AGTPBP1: variants seen among roughly 807,000 people sequenced by gnomAD.
AGTPBP1 encodes the protein ATP/GTP binding carboxypeptidase 1, also known as cytosolic carboxypeptidase 1.
AGTPBP1 carries 70 observed loss-of-function variants against 143.9 expected under a neutral mutation model. The observed-to-expected ratio is 0.49, with a 90% CI of 0.40 to 0.59. The LOEUF (loss-of-function observed/expected upper bound fraction) is 0.59, where lower values mean the gene tolerates loss of function less well. Ranked by LOEUF, AGTPBP1 falls within the 20% of genes least tolerant of loss-of-function variation. The probability of loss-of-function intolerance (pLI) is 0.00; values close to 1 mark genes in which losing one functional copy is unlikely to be tolerated. For missense variants in AGTPBP1, 1,229 were observed against 1,464.5 expected, an observed-to-expected ratio of 0.84 and a Z score of 2.62; for synonymous variants, 463 against 500.2, an observed-to-expected ratio of 0.93 and a Z score of 0.99.
At chr9:85,697,675 A>T (rs1241014140) in intron 2 of AGTPBP1, among the ~76,000 whole-genome samples, 1 of 151,596 alleles carries the variant, frequency 6.6e-6, no homozygotes. Context: ...GATGTTCTCG[A>T]TCTCCTGACC....
At chr9:85,595,437 A>G (rs562508761) in intron 18 of AGTPBP1, among the ~76,000 whole-genome samples, 1 of 152,356 alleles carries the variant, frequency 6.6e-6, no homozygotes, top group East Asian at 1.9e-4. Flanking sequence ...AGCAAGATAC[A>G]TGAGAATCCT....
rs375766249 is a variant in AGTPBP1, at chr9:85,692,824, C to T, written c.33-11G>A. ...GAATTATTGGTAAGGCTAAAAAGAA[C>T]GTAGAATGTTAGGGCACATTCTAAA... On this transcript the variant is annotated splice_polypyrimidine_tract_variant and intron_variant, in intron 2 of 25. Transcript: ENST00000357081. The T allele has an allele frequency of 2.6e-5, 42 of 1,611,386 alleles. No homozygotes were observed. The highest frequency in any genetic ancestry group is 4.4e-5 in the South Asian group (4 of 90,606).
Position 85,564,363 on chromosome 9 carries a change from T to C in AGTPBP1, c.3503+10952A>G, listed in dbSNP as rs371398060. Among the ~76,000 whole-genome samples the C allele has an allele frequency of 2.8e-4, 43 of 152,338 alleles. 1 individual carries two copies. Among genetic ancestry groups the C allele is most frequent in the African/African-American group, 9.9e-4 (41 of 41,590 alleles). On this transcript the variant is annotated intron_variant, in intron 25 of 25. Coordinates refer to ENST00000357081, the MANE Select transcript of AGTPBP1 (RefSeq NM_001330701.2). Reference sequence around the variant, plus strand: ...CTGTTCTTGTCCTACCATTGTATTTTAGAAGCACCTAACTTGGTTGATTCC... The same window carrying C: ...CTGTTCTTGTCCTACCATTGTATTTCAGAAGCACCTAACTTGGTTGATTCC...
At chr9:85,763,653 A>G in the AGTPBP1 span, among the ~76,000 whole-genome samples, 2 of 152,032 alleles carry the variant, frequency 1.3e-5, no homozygotes, top group Non-Finnish European at 2.9e-5. Flanking sequence ...TAGAGTAGGT[A>G]TAAGAGTGCT....
At chr9:85,783,277 T>C in the AGTPBP1 span, among the ~76,000 whole-genome samples, 1 of 152,230 alleles carries the variant, frequency 6.6e-6, no homozygotes, top group Non-Finnish European at 1.5e-5. Flanking sequence ...TAATTTGCTA[T>C]TCTACCTAGA....
chr9:85,705,104 A>C (rs1314585493), intron 2 of AGTPBP1, among the ~76,000 whole-genome samples: 2 of 152,068 alleles, frequency 1.3e-5, no homozygotes, highest in Non-Finnish European at 2.9e-5. Flanking sequence ...TTCCTGAAGG[A>C]CAAGAGAGAG....
At chr9:85,790,658 T>C in the AGTPBP1 span, among the ~76,000 whole-genome samples, 4 of 152,202 alleles carry the variant, frequency 2.6e-5, no homozygotes, top group Admixed American at 2.6e-4. Flanking sequence ...ATTTCTGCAA[T>C]GAGTCAACAG....
chr9:85,614,401 A>G (rs1300268058), intron 17 of AGTPBP1, among the ~76,000 whole-genome samples: 1 of 152,088 alleles, frequency 6.6e-6, no homozygotes, highest in Non-Finnish European at 1.5e-5. Context: ...ACTCTTTCAC[A>G]ACAGAAACAA....
At chr9:85,703,381 G>A (rs1294423717) in intron 2 of AGTPBP1, among the ~76,000 whole-genome samples, 1 of 152,204 alleles carries the variant, frequency 6.6e-6, no homozygotes, top group Non-Finnish European at 1.5e-5. Flanking sequence ...AGAGAAGTAA[G>A]GAGACTATTA....
At chr9:85,605,608 T>C (rs938489999) in intron 17 of AGTPBP1, among the ~76,000 whole-genome samples, 1 of 152,084 alleles carries the variant, frequency 6.6e-6, no homozygotes, top group African/African-American at 2.4e-5. Context: ...ATTATAATAC[T>C]GTAATCGTGG....
At chr9:85,623,567 C>T (rs1329658061) in intron 14 of AGTPBP1, among the ~76,000 whole-genome samples, 2 of 151,992 alleles carry the variant, frequency 1.3e-5, no homozygotes, top group South Asian at 4.2e-4. Context: ...ACCAGCCTGG[C>T]CAACATGGTG....
intron 2 of AGTPBP1, among the ~76,000 whole-genome samples, chr9:85,701,656 G>T (rs541237491): frequency 6.6e-6 from 1 of 152,124 alleles, no homozygotes; most frequent in Non-Finnish European, 1.5e-5. Context: ...CCGTAACAGA[G>T]AACAAAAACA....
intron 6 of AGTPBP1, among the ~76,000 whole-genome samples, chr9:85,676,272 A>G (rs998655754): frequency 2.6e-5 from 4 of 152,166 alleles, no homozygotes; most frequent in African/African-American, 9.7e-5. Context: ...AACCTACAGA[A>G]TGGGAGGAAA....
At position 85,608,044 on chromosome 9, in the gene AGTPBP1, G is replaced by A. The variant is rs573754139; in HGVS notation, c.2335+10939C>T. ...AAGAAATAAATAAATTCAATAAGTA[G>A]CACATATAAAACCACACATGACCCA... On this transcript the variant is annotated intron_variant, in intron 17 of 25. Coordinates refer to ENST00000357081, the MANE Select transcript of AGTPBP1 (RefSeq NM_001330701.2). Among the ~76,000 whole-genome samples the A allele has an allele frequency of 1.1e-4, 17 of 152,118 alleles. 1 individual carries two copies. The South Asian group carries it at 3.5e-3, about 32-fold the overall frequency.
At chr9:85,585,417 T>C (rs1828541821) in intron 23 of AGTPBP1, 46 bp downstream of exon 23, 3 of 1,498,646 alleles carry the variant, frequency 2.0e-6, no homozygotes, top group South Asian at 1.4e-5. Context: ...TGTACTTTTA[T>C]GCATGTTTGA....
chr9:85,599,586 C>A (rs1371474905), intron 17 of AGTPBP1, among the ~76,000 whole-genome samples: 1 of 152,156 alleles, frequency 6.6e-6, no homozygotes, highest in African/African-American at 2.4e-5. Context: ...CTATATTACC[C>A]CCCTTAGAAT....
At chr9:85,711,020 G>A (rs1429032078) in intron 2 of AGTPBP1, among the ~76,000 whole-genome samples, 1 of 152,038 alleles carries the variant, frequency 6.6e-6, no homozygotes, top group East Asian at 1.9e-4. Context: ...AGCAATTTAA[G>A]GAATAAATCT....
chr9:85,556,897 C>T (rs1208718646), intron 25 of AGTPBP1, among the ~76,000 whole-genome samples: 1 of 152,060 alleles, frequency 6.6e-6, no homozygotes, highest in African/African-American at 2.4e-5. Flanking sequence ...CCTAATAGAA[C>T]AAACAGATCC....
At chr9:85,630,387 C>CTTATTTATTTAT (rs1245325032) in intron 14 of AGTPBP1, among the ~76,000 whole-genome samples, 16 of 144,344 alleles carry the variant, frequency 1.1e-4, no homozygotes, top group African/African-American at 3.7e-4. Context: ...TACTTACTTA[C>CTTATTTATTTAT]TTACTTATTT....
Sources: gnomAD v4.1 joint callset for allele counts (sites outside exome capture counted in the v4.1 genomes callset) on GRCh38, gnomAD v4.1.1 for gene constraint, MANE v1.5 for transcripts, NCBI Gene and HGNC (gene_info 2026-07-23, HGNC 2026-07-21) for gene names.